The following XYLT1 variants were observed in gnomAD, a reference collection of about 807,000 sequenced individuals.
XYLT1 encodes the protein xylosyltransferase 1.
In XYLT1, 36 loss-of-function variants were observed where a neutral mutation model predicts 91.3. That is an observed-to-expected ratio of 0.39 (90% confidence interval 0.30 to 0.52). The LOEUF (loss-of-function observed/expected upper bound fraction) is 0.52. Ranked by LOEUF, XYLT1 falls within the 20% of genes least tolerant of loss-of-function variation. The pLI, the probability that XYLT1 is intolerant of heterozygous loss-of-function variation, is 0.68. For synonymous variants in XYLT1, 588 were observed against 532.0 expected, an observed-to-expected ratio of 1.11 and a Z score of -1.45; for missense variants, 1,242 against 1,284.5, an observed-to-expected ratio of 0.97 and a Z score of 0.51.
chr16:17,370,135 G>A (rs1273313820), intron 1 of XYLT1, among the ~76,000 whole-genome samples: 5 of 152,200 alleles, frequency 3.3e-5, no homozygotes, highest in South Asian at 4.1e-4. Context: ...CCTTTCATCC[G>A]TGAATAGAGG....
chr16:17,309,544 G>T (rs1173961228), intron 2 of XYLT1, among the ~76,000 whole-genome samples: 1 of 152,142 alleles, frequency 6.6e-6, no homozygotes, highest in African/African-American at 2.4e-5. Context: ...GCATCAGCTT[G>T]GTTTCTCTGA....
At chr16:17,221,038 C>G (rs749020670) in intron 3 of XYLT1, among the ~76,000 whole-genome samples, 1 of 152,270 alleles carries the variant, frequency 6.6e-6, no homozygotes, top group Non-Finnish European at 1.5e-5. Context: ...TCCAGACACT[C>G]CTTGGCCATG....
At chr16:17,151,088 G>T (rs552200317) in intron 6 of XYLT1, among the ~76,000 whole-genome samples, 2 of 152,184 alleles carry the variant, frequency 1.3e-5, no homozygotes, top group Non-Finnish European at 2.9e-5. Flanking sequence ...GGGAAACTCC[G>T]CAGTCAGCAC....
chr16:17,226,012 A>C (rs997309435), intron 3 of XYLT1, among the ~76,000 whole-genome samples: 4 of 151,270 alleles, frequency 2.6e-5, no homozygotes, highest in Non-Finnish European at 5.9e-5. Context: ...CAGCTGCTGG[A>C]AATTTGCATG....
chr16:17,217,958 A>AAT (rs773821240), intron 3 of XYLT1, among the ~76,000 whole-genome samples: 3 of 64,808 alleles, frequency 4.6e-5, no homozygotes, highest in East Asian at 9.2e-4. Context: ...TAATAATAAT[A>AAT]AAAAAAAAAA....
chr16:17,394,169 T>A (rs1346137976), intron 1 of XYLT1, among the ~76,000 whole-genome samples: 1 of 152,204 alleles, frequency 6.6e-6, no homozygotes, highest in African/African-American at 2.4e-5. Context: ...AGGTTTTAAA[T>A]TAATGAAAAT....
At chr16:17,182,961 C>A (rs2032103719) in intron 5 of XYLT1, among the ~76,000 whole-genome samples, 1 of 152,198 alleles carries the variant, frequency 6.6e-6, no homozygotes, top group South Asian at 2.1e-4. Context: ...AAGAAAGAGA[C>A]CATCTGGAGA....
At chr16:17,211,814 G>A (rs140984541) in intron 3 of XYLT1, among the ~76,000 whole-genome samples, 4 of 152,086 alleles carry the variant, frequency 2.6e-5, no homozygotes, top group Non-Finnish European at 2.9e-5. Context: ...CAAAACTATC[G>A]TCTCCCCTAG....
intron 11 of XYLT1, among the ~76,000 whole-genome samples, chr16:17,111,606 A>C (rs1313520713): frequency 6.6e-6 from 1 of 152,246 alleles, no homozygotes; most frequent in East Asian, 1.9e-4. Flanking sequence ...AGCAGGCAAG[A>C]AGAAGGAAGA....
chr16:17,302,544 T>C (rs1479772126), intron 2 of XYLT1, among the ~76,000 whole-genome samples: 1 of 152,202 alleles, frequency 6.6e-6, no homozygotes, highest in Non-Finnish European at 1.5e-5. Flanking sequence ...AGGGACAGAT[T>C]TGTTTTCCTT....
At chr16:17,461,583 A>C (rs2036822960) in intron 1 of XYLT1, among the ~76,000 whole-genome samples, 1 of 151,826 alleles carries the variant, frequency 6.6e-6, no homozygotes, top group Non-Finnish European at 1.5e-5. Flanking sequence ...ATGAATGGAC[A>C]GAGGATGGAT....
At chr16:17,394,715 T>C (rs1026481046) in intron 1 of XYLT1, among the ~76,000 whole-genome samples, 2 of 152,354 alleles carry the variant, frequency 1.3e-5, no homozygotes. Flanking sequence ...TGACCAGCTA[T>C]GTGACCTTGG....
intron 5 of XYLT1, among the ~76,000 whole-genome samples, chr16:17,192,271 G>C (rs1428039201): frequency 6.6e-6 from 1 of 151,718 alleles, no homozygotes; most frequent in African/African-American, 2.4e-5. Context: ...GCTACTTTTT[G>C]TATTTTTAGT....
intron 3 of XYLT1, among the ~76,000 whole-genome samples, chr16:17,206,261 C>T (rs1653554162): frequency 6.6e-6 from 1 of 152,096 alleles, no homozygotes; most frequent in African/African-American, 2.4e-5. Flanking sequence ...GGGAGAAAAC[C>T]TGCACGCTCA....
intron 1 of XYLT1, among the ~76,000 whole-genome samples, chr16:17,409,843 C>A (rs1265303478): frequency 1.3e-5 from 2 of 152,120 alleles, no homozygotes; most frequent in Admixed American, 1.3e-4. Context: ...AGCCACCACA[C>A]CCAGCTGAGA....
intron 9 of XYLT1, among the ~76,000 whole-genome samples, chr16:17,130,712 C>T (rs2030436852): frequency 6.6e-6 from 1 of 152,204 alleles, no homozygotes; most frequent in South Asian, 2.1e-4. Context: ...ACCTGGGCCT[C>T]TGCAGGAGCT....
chr16:17,239,573 T>A (rs1341990335), intron 3 of XYLT1, among the ~76,000 whole-genome samples: 1 of 147,218 alleles, frequency 6.8e-6, no homozygotes, highest in Non-Finnish European at 1.5e-5. Flanking sequence ...AGTCCATCCA[T>A]CCATCCACTC....
At chr16:17,403,666 G>C (rs1349872244) in intron 1 of XYLT1, among the ~76,000 whole-genome samples, 2 of 152,186 alleles carry the variant, frequency 1.3e-5, no homozygotes, top group Non-Finnish European at 2.9e-5. Context: ...ACAACACGTG[G>C]GGGAATCATG....
chr16:17,246,259 G>A (rs186008437), intron 3 of XYLT1, among the ~76,000 whole-genome samples: 284 of 152,306 alleles, frequency 1.9e-3, no homozygotes, highest in African/African-American at 6.4e-3. Flanking sequence ...ATAGCCCTTG[G>A]CATTTAACAA....
Sources: allele counts gnomAD v4.1 joint callset (sites outside exome capture counted in the v4.1 genomes callset), GRCh38; gene constraint gnomAD v4.1.1; transcripts MANE v1.5; gene names NCBI Gene and HGNC (gene_info 2026-07-23, HGNC 2026-07-21).